The following ASF1B variants were observed in gnomAD, a reference collection of about 807,000 sequenced individuals.
The protein encoded by ASF1B is anti-silencing function 1B histone chaperone, also known as histone chaperone ASF1B.
Under a neutral mutation model 16.6 loss-of-function variants are expected in ASF1B, and 10 were observed. That is an observed-to-expected ratio of 0.60 (90% CI 0.37 to 1.02). The LOEUF (loss-of-function observed/expected upper bound fraction) is 1.02. ASF1B is among the 50% of genes least tolerant of loss of function. The probability of loss-of-function intolerance (pLI) is 0.01; values close to 1 mark genes in which losing one functional copy is unlikely to be tolerated. For synonymous variants in ASF1B, 101 were observed against 106.2 expected (o/e 0.95, Z 0.30); for missense variants, 240 against 266.0 (o/e 0.90, Z 0.68).
At chr19:14,134,158 T>G (rs989365594) in intron 1 of ASF1B, among the ~76,000 whole-genome samples, 1 of 152,176 alleles carries the variant, frequency 6.6e-6, no homozygotes, top group African/African-American at 2.4e-5. Flanking sequence ...CCTGATCTCC[T>G]GCCGTCGGGG....
At chr19:14,120,914 G>A (rs986180914) in intron 3 of ASF1B, among the ~76,000 whole-genome samples, 3 of 151,954 alleles carry the variant, frequency 2.0e-5, no homozygotes, top group Admixed American at 1.3e-4. Context: ...TCTGCCTTCC[G>A]GGTTCAAGCG....
At chr19:14,122,734 G>A (rs959297955) in intron 2 of ASF1B, among the ~76,000 whole-genome samples, 11 of 152,176 alleles carry the variant, frequency 7.2e-5, no homozygotes, top group African/African-American at 1.4e-4. Flanking sequence ...GCAGGGAGAG[G>A]TGCGTGGTAC....
At chr19:14,134,029 C>G (rs1047973425) in intron 1 of ASF1B, among the ~76,000 whole-genome samples, 1 of 152,002 alleles carries the variant, frequency 6.6e-6, no homozygotes, top group Non-Finnish European at 1.5e-5. Context: ...TGGTCTCGAT[C>G]TCCTGACCTC....
intron 2 of ASF1B, among the ~76,000 whole-genome samples, chr19:14,125,453 G>A (rs944002965): frequency 6.6e-6 from 1 of 152,348 alleles, no homozygotes; most frequent in South Asian, 2.1e-4. Context: ...TAAATCAGTG[G>A]CAGCTTTGAC....
chr19:14,133,833 T>G (rs1421946473), intron 1 of ASF1B, among the ~76,000 whole-genome samples: 2 of 121,032 alleles, frequency 1.7e-5, no homozygotes, highest in African/African-American at 6.6e-5. Context: ...AGACGGAGTC[T>G]CGCTCTGTCG....
chr19:14,131,714 C>A (rs1267996138), intron 1 of ASF1B, among the ~76,000 whole-genome samples: 1 of 151,062 alleles, frequency 6.6e-6, no homozygotes, highest in Non-Finnish European at 1.5e-5. Context: ...GAACTTCTGA[C>A]CTCAGGTAAT....
intron 1 of ASF1B, among the ~76,000 whole-genome samples, chr19:14,127,014 T>C (rs944983676): frequency 5.9e-5 from 9 of 152,236 alleles, no homozygotes; most frequent in African/African-American, 1.9e-4. Flanking sequence ...CTCAACCTCC[T>C]GGGCTCAAGC....
chr19:14,123,582 A>G (rs368659612), intron 2 of ASF1B, among the ~76,000 whole-genome samples: 13 of 151,870 alleles, frequency 8.6e-5, no homozygotes, highest in East Asian at 3.9e-4. Flanking sequence ...GGGCTTCACC[A>G]TGTTAGCCAA....
At chr19:14,123,786 A>AT (rs1247010220) in intron 2 of ASF1B, among the ~76,000 whole-genome samples, 7,557 of 107,656 alleles carry the variant, frequency 0.07, 324 homozygotes, top group African/African-American at 0.12. Flanking sequence ...AAGCGAGCCT[A>AT]TTTTTTTTTT....
At chr19:14,135,434 C>G (rs1967474681) in intron 1 of ASF1B, among the ~76,000 whole-genome samples, 1 of 151,956 alleles carries the variant, frequency 6.6e-6, no homozygotes, top group South Asian at 2.1e-4. Context: ...CCCTCAAAGA[C>G]GGTAGCATCC....
intron 2 of ASF1B, among the ~76,000 whole-genome samples, chr19:14,124,580 C>T (rs1303954730): frequency 2.6e-5 from 4 of 152,182 alleles, no homozygotes; most frequent in African/African-American, 9.7e-5. Context: ...AAGATGAACA[C>T]CTGCTTGCTT....
chr19:14,121,275 ATTTT>A (rs71170594), intron 3 of ASF1B: 3,461 of 294,976 alleles, frequency 0.012, no homozygotes, highest in Middle Eastern at 0.017. Context: ...TGTCTGGCTC[ATTTT>A]TTTTTTTTTT....
intron 2 of ASF1B, among the ~76,000 whole-genome samples, chr19:14,123,526 C>G (rs562388978): frequency 6.6e-6 from 1 of 151,062 alleles, no homozygotes; most frequent in African/African-American, 2.4e-5. Flanking sequence ...ACTACAGGTG[C>G]CCGCCACCAG....
intron 1 of ASF1B, among the ~76,000 whole-genome samples, chr19:14,129,448 AG>A (rs1349932152): frequency 1.3e-5 from 2 of 151,388 alleles, no homozygotes; most frequent in Admixed American, 1.3e-4. Context: ...AGGCCGAGGC[AG>A]GCAGATTGCC....
intron 2 of ASF1B, among the ~76,000 whole-genome samples, chr19:14,124,401 C>T (rs1233066026): frequency 1.3e-5 from 2 of 152,068 alleles, no homozygotes; most frequent in African/African-American, 2.4e-5. Context: ...GCAGTCCTCC[C>T]GCCTCTGCCT....
At chr19:14,121,447 C>G (rs748799279) in intron 3 of ASF1B, 85 bp downstream of exon 3, 2 of 1,444,944 alleles carry the variant, frequency 1.4e-6, no homozygotes, top group African/African-American at 1.4e-5. Context: ...TAAGAAGTGA[C>G]CTTGACTCTC....
chr19:14,124,969 T>C (rs899216623), intron 2 of ASF1B, among the ~76,000 whole-genome samples: 4 of 152,160 alleles, frequency 2.6e-5, no homozygotes, highest in Admixed American at 6.6e-5. Flanking sequence ...AAATAAGGTA[T>C]CTTTCCTTTT....
In ASF1B at chr19:14,126,106, G is replaced by A. The variant is rs57092832; in HGVS notation, c.225+16C>T. 6.4e-7 allele frequency: 1 copy of A among 1,560,454 alleles called. No homozygotes were observed. Among genetic ancestry groups the A allele is most frequent in the Non-Finnish European group, 8.7e-7 (1 of 1,145,274 alleles). Reference sequence around the variant, plus strand: ...TAGGAATCAAGGGCTAAGGCCTAAGGCCTCATCTTTCTTACCTGAAAGACA... The same window carrying A: ...TAGGAATCAAGGGCTAAGGCCTAAGACCTCATCTTTCTTACCTGAAAGACA... On this transcript the variant is annotated intron_variant, in intron 2 of 3. Transcript: ENST00000263382.
intron 2 of ASF1B, among the ~76,000 whole-genome samples, chr19:14,123,674 C>T (rs956578966): frequency 4.6e-5 from 7 of 151,830 alleles, no homozygotes; most frequent in African/African-American, 1.5e-4. Flanking sequence ...GCCACTGCAC[C>T]GGCCTTCTTT....
Sources: allele counts gnomAD v4.1 joint callset (sites outside exome capture counted in the v4.1 genomes callset), GRCh38; gene constraint gnomAD v4.1.1; transcripts MANE v1.5; gene names NCBI Gene and HGNC (gene_info 2026-07-23, HGNC 2026-07-21).